COLGALT1: variants seen among roughly 807,000 people sequenced by gnomAD.
COLGALT1 encodes the protein procollagen galactosyltransferase 1.
In COLGALT1, 43 loss-of-function variants were observed where a neutral mutation model predicts 60.8. The ratio of observed to expected loss-of-function variants is 0.71; its 90% CI spans 0.55 to 0.91. COLGALT1 has a LOEUF of 0.91. Ranked by LOEUF, COLGALT1 falls within the 40% of genes least tolerant of loss-of-function variation. COLGALT1 has a pLI of 0.00. For synonymous variants in COLGALT1, 369 were observed against 374.2 expected (o/e 0.99, Z 0.16); for missense variants, 845 against 880.0 (o/e 0.96, Z 0.50).
chr19:17,557,563 G>A (rs1424666248), intron 1 of COLGALT1, among the ~76,000 whole-genome samples: 1 of 151,436 alleles, frequency 6.6e-6, no homozygotes, highest in Admixed American at 6.6e-5. Context: ...GCCTCCCTAA[G>A]TGCTGGGATT....
chr19:17,581,149 C>T (rs2076379019), intron 11 of COLGALT1, 28 bp from the exon 12 acceptor site: 2 of 1,597,466 alleles, frequency 1.3e-6, no homozygotes, highest in Non-Finnish European at 1.7e-6. Context: ...GCCATTGCTG[C>T]CCCTCACTCC....
At chr19:17,569,962 T>C (rs547507240) in intron 5 of COLGALT1, among the ~76,000 whole-genome samples, 102 of 134,444 alleles carry the variant, frequency 7.6e-4, no homozygotes, top group Admixed American at 1.2e-3. Flanking sequence ...TGGCCCGATC[T>C]TGGCTCACTG....
intron 10 of COLGALT1, 31 bp from the exon 11 acceptor site, chr19:17,580,668 G>A (rs764671199): frequency 2.5e-6 from 4 of 1,611,926 alleles, no homozygotes; most frequent in Non-Finnish European, 3.4e-6. Flanking sequence ...GAGGGCGGGA[G>A]GAGAGTGACA....
At chr19:17,564,458 CCAGGCTAGAGTG>C (rs1475889607) in intron 3 of COLGALT1, among the ~76,000 whole-genome samples, 3 of 147,772 alleles carry the variant, frequency 2.0e-5, no homozygotes, top group Non-Finnish European at 4.5e-5. Flanking sequence ...ATTTTGTCAC[CCAGGCTAGAGTG>C]CAGTGGCGCC....
chr19:17,574,146 G>A (rs1029013623), intron 6 of COLGALT1, among the ~76,000 whole-genome samples: 8 of 152,126 alleles, frequency 5.3e-5, no homozygotes, highest in Admixed American at 2.0e-4. Flanking sequence ...TGCACTGGGC[G>A]CAGAAAGCCC....
Position 17,579,058 on chromosome 19 carries a change from C to T in COLGALT1, c.1267-424C>T, listed in dbSNP as rs2076362132. 2.6e-5 allele frequency among the ~76,000 whole-genome samples: 4 copies of T among 151,742 alleles called. No homozygotes were observed. The South Asian group carries it at 8.3e-4, about 32-fold the overall frequency. On this transcript the variant is annotated intron_variant, in intron 9 of 11. Coordinates refer to ENST00000252599, the MANE Select transcript of COLGALT1 (RefSeq NM_024656.4). ...GGCGTAGTGGCACATGCCTGTAATCCCAGCTGCTCAGGAGGCTGAGGCAGA... is the reference window on the plus strand; with the variant it reads ...GGCGTAGTGGCACATGCCTGTAATCTCAGCTGCTCAGGAGGCTGAGGCAGA...
intron 1 of COLGALT1, 133 bp downstream of exon 1, chr19:17,556,106 A>C: frequency 9.6e-7 from 1 of 1,044,192 alleles, no homozygotes; most frequent in Non-Finnish European, 1.2e-6. Context: ...CCTGCTCGCT[A>C]CCCCCATCGG....
At chr19:17,577,799 T>C (rs2076353591) in intron 8 of COLGALT1, among the ~76,000 whole-genome samples, 158 bp from the exon 9 acceptor site, 1 of 151,974 alleles carries the variant, frequency 6.6e-6, no homozygotes, top group South Asian at 2.1e-4. Flanking sequence ...GTGTATACCA[T>C]GTGCAGGTGA....
At chr19:17,578,211 G>C in intron 9 of COLGALT1, 122 bp downstream of exon 9, 6 of 1,130,028 alleles carry the variant, frequency 5.3e-6, no homozygotes, top group Non-Finnish European at 7.1e-6. Context: ...TCAGCCATGG[G>C]ACCCATGGCC....
chr19:17,568,317 A>G (rs2076291078), intron 4 of COLGALT1, among the ~76,000 whole-genome samples, 192 bp from the exon 5 acceptor site: 1 of 152,154 alleles, frequency 6.6e-6, no homozygotes, highest in Non-Finnish European at 1.5e-5. Context: ...CTGGGAAAAT[A>G]CAAGGCTCTT....
At chr19:17,573,823 A>T (rs1051130338) in intron 6 of COLGALT1, among the ~76,000 whole-genome samples, 2 of 151,646 alleles carry the variant, frequency 1.3e-5, no homozygotes, top group Non-Finnish European at 2.9e-5. Flanking sequence ...CCAAAAAAAA[A>T]TAACAAAAAT....
At position 17,555,895 on chromosome 19, in the gene COLGALT1, G is replaced by T; in HGVS notation, c.182G>T (p.Arg61Leu). 1 of 1,394,880 alleles carries T rather than the reference G, an allele frequency of 7.2e-7. No individual in the cohort carries two copies. The highest frequency in any genetic ancestry group is 9.3e-7 in the Non-Finnish European group (1 of 1,073,226). The allele number at this position is 1,394,880 out of a possible 1,614,324, so 86.4% of individuals were successfully genotyped here. Residue 61 changes from arginine (R) to leucine (L), a missense_variant, in exon 1 of 12, where the codon CGA (arginine) becomes CTA (leucine). Arg to Leu is a moderately radical substitution (Grantham distance 102). Coordinates refer to ENST00000252599, the MANE Select transcript of COLGALT1 (RefSeq NM_024656.4). Reference protein sequence around the residue: ...APRVLIALLARNAAHALPTTL... With the variant: ...APRVLIALLALNAAHALPTTL... ...CGCGTGCTCATCGCGCTGTTGGCGC[G>T]AAACGCGGCCCACGCGTTGCCCACC... is the stretch of plus-strand genomic sequence containing the variant.
Position 17,567,290 on chromosome 19 carries a change from G to A in COLGALT1, c.490-116G>A, listed in dbSNP as rs1018289323. On this transcript the variant is annotated intron_variant, in intron 3 of 11. Coordinates refer to ENST00000252599, the MANE Select transcript of COLGALT1 (RefSeq NM_024656.4). ...TCCCTGCTTCATTTCATCCGGTGTAGGGGGTGCTTCCAGAGGTCTTTGCCA... is the reference window on the plus strand; with the variant it reads ...TCCCTGCTTCATTTCATCCGGTGTAAGGGGTGCTTCCAGAGGTCTTTGCCA... 103 of 1,381,196 alleles carry A rather than the reference G, an allele frequency of 7.5e-5. 1 individual carries two copies. The Middle Eastern group carries it at 1.1e-3, about 15-fold the overall frequency. 85.6% of individuals were successfully genotyped at this position (1,381,196 alleles called of 1,614,324 possible). A position where few individuals can be genotyped will look rare whatever the true frequency, so the allele number is the denominator to read the frequency against.
chr19:17,581,584 A>G lies in COLGALT1; in HGVS notation c.*140A>G. 8.8e-7 allele frequency: 1 copy of G among 1,138,064 alleles called. No homozygotes were observed. Among genetic ancestry groups the G allele is most frequent in the Non-Finnish European group, 1.2e-6 (1 of 824,406 alleles). The allele number at this position is 1,138,064 out of a possible 1,614,324, so 70.5% of individuals were successfully genotyped here. A position where few individuals can be genotyped will look rare whatever the true frequency, so the allele number is the denominator to read the frequency against. On this transcript the variant is annotated 3_prime_UTR_variant, in exon 12 of 12. Transcript: ENST00000252599. ...GGGTGGTGTCCAGCCAGCTCTTGCTAAGCAATCACGTGCACACAGGCAGCA... is the reference window on the plus strand; with the variant it reads ...GGGTGGTGTCCAGCCAGCTCTTGCTGAGCAATCACGTGCACACAGGCAGCA...
At chr19:17,557,886 G>A (rs1243223734) in intron 1 of COLGALT1, among the ~76,000 whole-genome samples, 4 of 152,140 alleles carry the variant, frequency 2.6e-5, no homozygotes, top group East Asian at 1.9e-4. Context: ...ACAGGCGTGA[G>A]CCATTGCACC....
At chr19:17,570,945 A>T (rs78987528) in intron 5 of COLGALT1, among the ~76,000 whole-genome samples, 8,262 of 152,258 alleles carry the variant, frequency 0.054, 237 homozygotes, top group South Asian at 0.085. Flanking sequence ...TATGAAATTC[A>T]GATTTCATTG....
intron 6 of COLGALT1, among the ~76,000 whole-genome samples, chr19:17,574,052 G>T (rs2076327241): frequency 1.3e-5 from 2 of 151,916 alleles, no homozygotes; most frequent in African/African-American, 4.9e-5. Context: ...TCTAAAACTG[G>T]AGGAGCACGC....
chr19:17,556,031 C>T (rs1168393590), intron 1 of COLGALT1, 58 bp downstream of exon 1: 41 of 1,275,926 alleles, frequency 3.2e-5, no homozygotes, highest in Non-Finnish European at 4.0e-5. Context: ...CTTGCTGTCC[C>T]CATAGGGGTG....
At chr19:17,556,602 T>C in intron 1 of COLGALT1, 1 of 928,406 alleles carries the variant, frequency 1.1e-6, no homozygotes, top group Non-Finnish European at 1.3e-6. Flanking sequence ...TCTCACTCCC[T>C]GCCTCAGTTT....
Sources: allele counts gnomAD v4.1 joint callset (sites outside exome capture counted in the v4.1 genomes callset), GRCh38; gene constraint gnomAD v4.1.1; transcripts MANE v1.5; gene names NCBI Gene and HGNC (gene_info 2026-07-23, HGNC 2026-07-21).